Variants in EPHB1 observed in about 807,000 individuals in gnomAD.
EPHB1 encodes ephrin type-B receptor 1.
A neutral mutation model predicts 94.4 loss-of-function variants in EPHB1; 30 were observed. That is an observed-to-expected ratio of 0.32 (90% CI 0.24 to 0.43). The LOEUF (loss-of-function observed/expected upper bound fraction) is 0.43. Ranked by LOEUF, EPHB1 falls within the 20% of genes least tolerant of loss-of-function variation. The pLI is 1.00. For missense variants in EPHB1, 1,055 were observed against 1,308.3 expected (o/e 0.81, Z 2.99); for synonymous variants, 522 against 489.1 (o/e 1.07, Z -0.89).
intron 3 of EPHB1, among the ~76,000 whole-genome samples, chr3:135,008,942 G>A (rs532219650): frequency 6.6e-6 from 1 of 152,194 alleles, no homozygotes; most frequent in Non-Finnish European, 1.5e-5. Flanking sequence ...AAGATTGAGT[G>A]CATTCAGTGC....
intron 3 of EPHB1, chr3:135,067,528 T>A (rs534021393): frequency 6.6e-6 from 1 of 152,378 alleles, no homozygotes; most frequent in Non-Finnish European, 1.5e-5. Context: ...GAAGGGCCTG[T>A]CTCACTCCCA....
chr3:135,173,686 G>A (rs1941885866), intron 9 of EPHB1, among the ~76,000 whole-genome samples: 1 of 152,120 alleles, frequency 6.6e-6, no homozygotes, highest in South Asian at 2.1e-4. Flanking sequence ...AAACTGCCCA[G>A]TCTTCAGCCT....
chr3:134,891,587 A>T (rs778531963), intron 1 of EPHB1, among the ~76,000 whole-genome samples: 1 of 152,240 alleles, frequency 6.6e-6, no homozygotes, highest in Non-Finnish European at 1.5e-5. Context: ...TCATTGAGAC[A>T]CCTGGATAAT....
intron 1 of EPHB1, among the ~76,000 whole-genome samples, chr3:134,896,280 T>C (rs984311009): frequency 2.0e-5 from 3 of 152,110 alleles, no homozygotes; most frequent in African/African-American, 4.8e-5. Flanking sequence ...TTGAGTCTTC[T>C]GGCTGCTGAG....
intron 13 of EPHB1, among the ~76,000 whole-genome samples, chr3:135,243,095 GA>G (rs1409679235): frequency 4.9e-5 from 3 of 60,694 alleles, no homozygotes; most frequent in African/African-American, 1.5e-4. Context: ...AAAAAAAAAA[GA>G]AAAGAAAAGA....
At chr3:134,917,889 A>G (rs969996472) in intron 1 of EPHB1, among the ~76,000 whole-genome samples, 1 of 152,388 alleles carries the variant, frequency 6.6e-6, no homozygotes, top group South Asian at 2.1e-4. Context: ...AAGAAAACAC[A>G]GAGCATCTTT....
intron 12 of EPHB1, among the ~76,000 whole-genome samples, chr3:135,231,697 T>G (rs1943534731): frequency 6.6e-6 from 1 of 152,218 alleles, no homozygotes; most frequent in Admixed American, 6.5e-5. Flanking sequence ...AGAAAAGCTT[T>G]GAAAAACATT....
chr3:135,081,906 A>G (rs4955467), intron 3 of EPHB1, among the ~76,000 whole-genome samples: 150,747 of 152,114 alleles, frequency 0.99, 74,709 homozygotes, highest in Middle Eastern at 1. Flanking sequence ...GAGCTGCATA[A>G]CTTCTGCAGG....
At chr3:134,928,767 A>C (rs1179664019) in intron 2 of EPHB1, among the ~76,000 whole-genome samples, 1 of 152,294 alleles carries the variant, frequency 6.6e-6, no homozygotes, top group East Asian at 1.9e-4. Flanking sequence ...GAGAGGAAAG[A>C]GGTGAGAGCT....
intron 12 of EPHB1, among the ~76,000 whole-genome samples, chr3:135,238,627 C>T (rs993514670): frequency 1.4e-5 from 2 of 145,574 alleles, no homozygotes; most frequent in Non-Finnish European, 1.5e-5. Context: ...GATAAGCAAG[C>T]CCTAACTCTC....
intron 9 of EPHB1, among the ~76,000 whole-genome samples, chr3:135,177,868 C>A (rs1014585053): frequency 1.3e-5 from 2 of 152,168 alleles, no homozygotes; most frequent in Non-Finnish European, 2.9e-5. Flanking sequence ...GACTGGCACC[C>A]CCATCTCCAT....
chr3:134,967,258 C>T (rs1933794279), intron 3 of EPHB1, among the ~76,000 whole-genome samples: 1 of 152,114 alleles, frequency 6.6e-6, no homozygotes, highest in African/African-American at 2.4e-5. Context: ...GTGGTGGAAG[C>T]CTCATCACAA....
At chr3:134,877,347 G>A (rs767745438) in intron 1 of EPHB1, among the ~76,000 whole-genome samples, 2 of 152,196 alleles carry the variant, frequency 1.3e-5, no homozygotes, top group Admixed American at 6.5e-5. Flanking sequence ...GCCCTTCCCT[G>A]TTATTTTGGG....
At chr3:134,843,049 T>C (rs539014068) in intron 1 of EPHB1, among the ~76,000 whole-genome samples, 4 of 152,250 alleles carry the variant, frequency 2.6e-5, no homozygotes, top group African/African-American at 4.8e-5. Flanking sequence ...TTGAATAACA[T>C]TCTTTAGTAT....
At chr3:135,095,043 A>T (rs1938707931) in intron 3 of EPHB1, among the ~76,000 whole-genome samples, 1 of 152,172 alleles carries the variant, frequency 6.6e-6, no homozygotes, top group African/African-American at 2.4e-5. Flanking sequence ...GGAAGAGCCA[A>T]ATCAGTCCTA....
chr3:134,826,810 A>G (rs76160622), intron 1 of EPHB1, among the ~76,000 whole-genome samples: 95 of 152,276 alleles, frequency 6.2e-4, no homozygotes, highest in African/African-American at 2.0e-3. Flanking sequence ...TGTAGGGGGA[A>G]AGGCCAGGGT....
At chr3:134,876,439 A>T (rs753413452) in intron 1 of EPHB1, among the ~76,000 whole-genome samples, 1 of 152,200 alleles carries the variant, frequency 6.6e-6, no homozygotes, top group Non-Finnish European at 1.5e-5. Flanking sequence ...AAAAAAATAC[A>T]TACTTTCTGA....
At chr3:135,012,030 CAG>C (rs1346975149) in intron 3 of EPHB1, among the ~76,000 whole-genome samples, 1 of 152,122 alleles carries the variant, frequency 6.6e-6, no homozygotes, top group African/African-American at 2.4e-5. Flanking sequence ...TATTCCATGC[CAG>C]AGAGAGTCTG....
intron 11 of EPHB1, among the ~76,000 whole-genome samples, chr3:135,196,918 A>G (rs1404778805): frequency 6.6e-6 from 1 of 152,098 alleles, no homozygotes; most frequent in Non-Finnish European, 1.5e-5. Context: ...TTCCTTCTTG[A>G]TACTCAAATT....
Sources: allele counts gnomAD v4.1 joint callset (sites outside exome capture counted in the v4.1 genomes callset), GRCh38; gene constraint gnomAD v4.1.1; transcripts MANE v1.5; gene names NCBI Gene and HGNC (gene_info 2026-07-23, HGNC 2026-07-21).